AUTS2: variants seen among roughly 807,000 people sequenced by gnomAD.
AUTS2 encodes the protein activator of transcription and developmental regulator AUTS2.
Under a neutral mutation model 112.4 loss-of-function variants are expected in AUTS2, and 17 were observed. The observed-to-expected ratio is 0.15, with a 90% CI of 0.10 to 0.23. The LOEUF is 0.23. AUTS2 is among the 10% of genes least tolerant of loss of function. The probability of loss-of-function intolerance (pLI) is 1.00; values close to 1 mark genes in which losing one functional copy is unlikely to be tolerated. For synonymous variants in AUTS2, 751 were observed against 702.7 expected, an observed-to-expected ratio of 1.07 and a Z score of -1.09; for missense variants, 1,510 against 1,701.6, an observed-to-expected ratio of 0.89 and a Z score of 1.98.
intron 4 of AUTS2, among the ~76,000 whole-genome samples, chr7:70,344,410 C>T (rs1791404279): frequency 6.6e-6 from 1 of 152,134 alleles, no homozygotes; most frequent in Non-Finnish European, 1.5e-5. Flanking sequence ...TCCTCAGCTC[C>T]TGCCCTGTCC....
chr7:70,188,784 CTTT>C (rs530872900), intron 4 of AUTS2, among the ~76,000 whole-genome samples: 57 of 142,772 alleles, frequency 4.0e-4, no homozygotes, highest in African/African-American at 1.3e-3. Flanking sequence ...TTCTTTCTTT[CTTT>C]TTTTTTTTTT....
intron 4 of AUTS2, among the ~76,000 whole-genome samples, chr7:70,415,279 G>A (rs999502148): frequency 6.6e-6 from 1 of 152,178 alleles, no homozygotes; most frequent in Admixed American, 6.5e-5. Flanking sequence ...TAGAGCCTTG[G>A]CCAAGTCATG....
chr7:69,836,374 AT>A (rs1791724061), intron 1 of AUTS2, among the ~76,000 whole-genome samples: 1 of 152,182 alleles, frequency 6.6e-6, no homozygotes, highest in African/African-American at 2.4e-5. Flanking sequence ...TTAACATAAT[AT>A]GGTACCTGTA....
At chr7:69,747,668 A>G (rs1787550780) in intron 1 of AUTS2, among the ~76,000 whole-genome samples, 1 of 152,068 alleles carries the variant, frequency 6.6e-6, no homozygotes, top group South Asian at 2.1e-4. Flanking sequence ...GAGATTTGCC[A>G]CCACCGCATG....
intron 4 of AUTS2, among the ~76,000 whole-genome samples, chr7:70,400,914 G>T (rs1024783131): frequency 6.6e-6 from 1 of 152,162 alleles, no homozygotes; most frequent in South Asian, 2.1e-4. Flanking sequence ...AGAAACCACT[G>T]CTTTAGAAGG....
chr7:69,940,530 G>T (rs1796586922), intron 2 of AUTS2, among the ~76,000 whole-genome samples: 1 of 152,136 alleles, frequency 6.6e-6, no homozygotes, highest in African/African-American at 2.4e-5. Context: ...ATGGAGTGAT[G>T]CCACAGGGGC....
chr7:70,385,913 C>A (rs1030341391), intron 4 of AUTS2, among the ~76,000 whole-genome samples: 2 of 152,172 alleles, frequency 1.3e-5, no homozygotes, highest in African/African-American at 4.8e-5. Context: ...TCACCACTTT[C>A]TTGTTTCTAC....
chr7:69,749,536 G>A (rs1176036077), intron 1 of AUTS2, among the ~76,000 whole-genome samples: 2 of 152,184 alleles, frequency 1.3e-5, no homozygotes, highest in Middle Eastern at 3.4e-3. Flanking sequence ...GAAATTCTTT[G>A]AATTTTTCTG....
chr7:70,784,351 GGACC>G (rs1464703664), intron 15 of AUTS2: 1 of 152,452 alleles, frequency 6.6e-6, no homozygotes, highest in Admixed American at 6.5e-5. Flanking sequence ...CACAGCTTCA[GGACC>G]ACCCCTCCTG....
At chr7:69,874,859 C>T (rs1030570453) in intron 1 of AUTS2, among the ~76,000 whole-genome samples, 9 of 151,616 alleles carry the variant, frequency 5.9e-5, no homozygotes, top group Admixed American at 2.0e-4. Context: ...TTAGTACAGA[C>T]GGGGTTTCAC....
intron 4 of AUTS2, among the ~76,000 whole-genome samples, chr7:70,398,926 G>T (rs1049518208): frequency 6.7e-6 from 1 of 149,466 alleles, no homozygotes; most frequent in African/African-American, 2.5e-5. Context: ...TTTGATTTTT[G>T]TGTGTGTTTT....
Position 70,143,952 on chromosome 7 carries a change from A to G in AUTS2, c.660+9381A>G, listed in dbSNP as rs539832963. ...TTCATATGTTCATCACATCTCATAA[A>G]ATCTTGCCCAGACCAACAAATGACT... is the stretch of plus-strand genomic sequence containing the variant. On this transcript the variant is annotated intron_variant, in intron 4 of 18. Coordinates refer to ENST00000342771, the MANE Select transcript of AUTS2 (RefSeq NM_015570.4). Among the ~76,000 whole-genome samples, 154 of 152,224 alleles carry G rather than the reference A, an allele frequency of 1.0e-3. 1 individual carries two copies. The highest frequency in any genetic ancestry group is 3.4e-3 in the African/African-American group (140 of 41,540).
At chr7:70,499,095 A>G (rs763798499) in intron 5 of AUTS2, among the ~76,000 whole-genome samples, 100 of 152,280 alleles carry the variant, frequency 6.6e-4, no homozygotes, top group Admixed American at 1.4e-3. Context: ...GGTGGCCACC[A>G]TCTCAGCAAA....
chr7:70,466,101 T>C (rs985727629), intron 5 of AUTS2, among the ~76,000 whole-genome samples: 7 of 152,166 alleles, frequency 4.6e-5, no homozygotes, highest in African/African-American at 1.7e-4. Flanking sequence ...TGTCAGACTC[T>C]TAACCAGCAA....
intron 2 of AUTS2, among the ~76,000 whole-genome samples, chr7:69,974,951 A>T (rs1797995575): frequency 6.6e-6 from 1 of 151,850 alleles, no homozygotes; most frequent in Admixed American, 6.6e-5. Context: ...TGTCCTAGTG[A>T]CTTAAGATCC....
intron 5 of AUTS2, among the ~76,000 whole-genome samples, chr7:70,460,338 CTTTTTTTTTTT>C (rs10537541): frequency 3.4e-4 from 13 of 38,220 alleles, no homozygotes; most frequent in East Asian, 2.3e-3. Flanking sequence ...ACAGCCTGGT[CTTTTTTTTTTT>C]TTTTTTTTTT....
chr7:70,066,172 G>A (rs1047901354), intron 2 of AUTS2, among the ~76,000 whole-genome samples: 1 of 152,042 alleles, frequency 6.6e-6, no homozygotes, highest in African/African-American at 2.4e-5. Context: ...AAAATCATAT[G>A]TGCAATATCT....
At chr7:70,111,632 G>A (rs1015656472) in intron 2 of AUTS2, among the ~76,000 whole-genome samples, 4 of 152,064 alleles carry the variant, frequency 2.6e-5, no homozygotes, top group African/African-American at 9.7e-5. Context: ...TTAATTTGCT[G>A]TGTTTCTTCA....
intron 5 of AUTS2, among the ~76,000 whole-genome samples, chr7:70,616,719 C>T (rs1194943624): frequency 6.7e-6 from 1 of 149,366 alleles, no homozygotes; most frequent in Non-Finnish European, 1.5e-5. Flanking sequence ...TTCCCAAACC[C>T]AAAGAAATTC....
Sources: allele counts gnomAD v4.1 joint callset (sites outside exome capture counted in the v4.1 genomes callset), GRCh38; gene constraint gnomAD v4.1.1; transcripts MANE v1.5; gene names NCBI Gene and HGNC (gene_info 2026-07-23, HGNC 2026-07-21).